MYH7B: variants seen among roughly 807,000 people sequenced by gnomAD.
MYH7B encodes the protein myosin heavy chain 7B.
In MYH7B, 205 loss-of-function variants were observed where a neutral mutation model predicts 234.5. The observed-to-expected ratio is 0.87, with a 90% CI of 0.78 to 0.98. The LOEUF is 0.98. Ranked by LOEUF, MYH7B falls within the 50% of genes least tolerant of loss-of-function variation. The pLI, the probability that MYH7B is intolerant of heterozygous loss-of-function variation, is 0.00. For missense variants in MYH7B, 2,652 were observed against 2,633.4 expected, an observed-to-expected ratio of 1.01 and a Z score of -0.15; for synonymous variants, 1,193 against 1,105.0, an observed-to-expected ratio of 1.08 and a Z score of -1.58.
chr20:35,000,802 A>G, exon 40 of MYH7B: 1 of 1,613,960 alleles, frequency 6.2e-7, no homozygotes, highest in Non-Finnish European at 8.5e-7. Context: ...AAGAAGCTGG[A>G]GGCGGACTTG....
At chr20:34,991,294 G>GGACTT (rs1312563256) in intron 24 of MYH7B, among the ~76,000 whole-genome samples, 173 bp downstream of exon 24, 2 of 152,208 alleles carry the variant, frequency 1.3e-5, no homozygotes, top group African/African-American at 4.8e-5. Flanking sequence ...ACCTGGCCGG[G>GGACTT]GACTTGGGGA....
chr20:34,968,588 C>A (rs1399836292), intron 2 of MYH7B, among the ~76,000 whole-genome samples: 1 of 152,200 alleles, frequency 6.6e-6, no homozygotes, highest in African/African-American at 2.4e-5. Context: ...CTCGGCTAAG[C>A]CTTGTCCATG....
chr20:34,994,117 A>T (rs1426932626), intron 26 of MYH7B, 29 bp from the exon 27 acceptor site: 21 of 1,605,234 alleles, frequency 1.3e-5, no homozygotes, highest in Non-Finnish European at 1.7e-5. Context: ...GCACTGAGCC[A>T]CCTTCACAGC....
intron 5 of MYH7B, 34 bp from the exon 6 acceptor site, chr20:34,979,356 C>T (rs2081904278): frequency 1.3e-6 from 2 of 1,553,256 alleles, no homozygotes; most frequent in African/African-American, 2.7e-5. Flanking sequence ...TGCCTCAGCC[C>T]CTCTCTGAGT....
chr20:34,997,393 A>AGC lies in MYH7B; in HGVS notation c.3504_3505dup (p.Glu1169AlafsTer78). On this transcript the variant is annotated frameshift_variant, in exon 32 of 45. Coordinates refer to ENST00000262873, the Ensembl canonical transcript of MYH7B. LOFTEE classifies it high-confidence loss of function. ...GAGGCAGGCGGCGCATCCGCGGGGC[A>AGC]GCGCGAGGGCTGCCGCAAGCGGGAG... The AGC allele has an allele frequency of 6.7e-7, 1 of 1,502,388 alleles. No homozygotes were observed. The highest frequency in any genetic ancestry group is 1.3e-5 in the South Asian group (1 of 78,088). The allele number at this position is 1,502,388 out of a possible 1,614,324, so 93.1% of individuals were successfully genotyped here.
intron 2 of MYH7B, among the ~76,000 whole-genome samples, chr20:34,970,913 G>A (rs2081787622): frequency 6.6e-6 from 1 of 152,190 alleles, no homozygotes; most frequent in Non-Finnish European, 1.5e-5. Flanking sequence ...CTGGGGGTGG[G>A]AGGGCAGACG....
chr20:34,986,787 C>G (rs1569042582), intron 14 of MYH7B, 99 bp from the exon 15 acceptor site: 1 of 951,714 alleles, frequency 1.1e-6, no homozygotes, highest in Admixed American at 1.8e-5. Context: ...TAGACTCCTG[C>G]TGGGCTTGCC....
chr20:35,000,972 T>A lies in MYH7B; in HGVS notation c.5305-16T>A. The A allele has an allele frequency of 6.2e-7, 1 of 1,613,482 alleles. No individual in the cohort carries two copies. Among genetic ancestry groups the A allele is most frequent in the Non-Finnish European group, 8.5e-7 (1 of 1,179,814 alleles). On this transcript the variant is annotated splice_polypyrimidine_tract_variant and intron_variant, in intron 40 of 44. Transcript: ENST00000262873. The stretch of plus-strand genomic sequence containing the variant: ...CCCTGAGGCTGGGCACCTGACCAGC[T>A]CCTCCTCCCCAACAGGCGGCCATGA...
chr20:34,990,877 G>T (rs748629454), intron 23 of MYH7B, 52 bp downstream of exon 23: 56 of 1,604,632 alleles, frequency 3.5e-5, no homozygotes, highest in Non-Finnish European at 4.5e-5. Flanking sequence ...ATGGGAAGGT[G>T]ACAGGGCAGA....
Position 34,997,320 on chromosome 20 carries a change from C to A in MYH7B, c.3427C>A (p.Arg1143Ser), listed in dbSNP as rs1054303983. 5.2e-6 allele frequency: 8 copies of A among 1,549,572 alleles called. No individual in the cohort carries two copies. The East Asian group carries it at 1.9e-4, about 37-fold the overall frequency. ...AGCCCGGGCCCGCGTGGAGAAGCAG[C>A]GTGCAGAGGCGGCGCGGGAGCTGGA... is the stretch of plus-strand genomic sequence containing the variant. Residue 1143 changes from arginine (R) to serine (S), a missense_variant, in exon 32 of 45, where the codon CGT (arginine) becomes AGT (serine). Arg to Ser is a moderately radical substitution (Grantham distance 110). Around this residue, in one of 3 missense-constraint regions of MYH7B, gnomAD observed 2,279 missense variants for 2,211.4 expected, o/e 1.03. Coordinates refer to ENST00000262873, the Ensembl canonical transcript of MYH7B.
intron 1 of MYH7B, among the ~76,000 whole-genome samples, chr20:34,956,416 T>A (rs766435695): frequency 7.2e-5 from 11 of 152,144 alleles, no homozygotes; most frequent in Non-Finnish European, 1.2e-4. Flanking sequence ...TTTAAAAATA[T>A]GCGGATTCAT....
intron 2 of MYH7B, among the ~76,000 whole-genome samples, chr20:34,959,609 C>T (rs1222233051): frequency 6.6e-6 from 1 of 151,942 alleles, no homozygotes; most frequent in Non-Finnish European, 1.5e-5. Flanking sequence ...TCCCGAGTAG[C>T]TGGGATTACA....
At chr20:34,990,413 A>G in intron 22 of MYH7B, 103 bp downstream of exon 22, 3 of 1,230,000 alleles carry the variant, frequency 2.4e-6, no homozygotes, top group Non-Finnish European at 3.6e-6. Context: ...GGCTGTTAAG[A>G]CTTGCAGTGA....
At position 34,999,190 on chromosome 20, in the gene MYH7B, C is replaced by T. The variant is rs761293876; in HGVS notation, c.4325C>T (p.Ala1442Val). The change falls in exon 36 of 45, where the codon GCG (alanine) becomes GTG (valine). Residue 1442 changes from alanine to valine, a missense_variant. Transcript: ENST00000262873. ...GATGTAACCCTGGAGCTGGAGCGGG[C>T]GACCTCAGCAGCTGCTGCGCTGGAC... 18 of 1,613,050 alleles carry T rather than the reference C, an allele frequency of 1.1e-5. No individual in the cohort carries two copies. The highest frequency in any genetic ancestry group is 5.3e-5 in the African/African-American group (4 of 74,926).
exon 29 of MYH7B, chr20:34,996,460 G>A (rs777357966): frequency 6.2e-6 from 10 of 1,613,154 alleles, no homozygotes; most frequent in Admixed American, 1.7e-5. Flanking sequence ...CCTGCAGGCC[G>A]AGGAGGACCG....
exon 41 of MYH7B, chr20:35,001,155 C>G: frequency 6.2e-7 from 1 of 1,613,596 alleles, no homozygotes; most frequent in South Asian, 1.1e-5. Context: ...AGCTGGAGGC[C>G]AAGGTGTGTG....
rs778166915 is a variant in MYH7B at position 34,997,456 on chromosome 20, C to T, written c.3563C>T (p.Ala1188Val). ...AGGCTGCGGCGGGAGCTGGAGGAGG[C>T]GGCGCTGCGGCACGAGGCCACAGTG... The change falls in exon 32 of 45, where the codon GCG becomes GTG. Residue 1188 changes from alanine to valine, a missense_variant. Physicochemically the swap from Ala to Val is moderately conservative, Grantham distance 64 (BLOSUM62 0). Coordinates refer to ENST00000262873, the Ensembl canonical transcript of MYH7B. 34 of 1,488,252 alleles carry T rather than the reference C, an allele frequency of 2.3e-5. No homozygotes were observed. The East Asian group carries it at 4.0e-4, about 17-fold the overall frequency. The allele number at this position is 1,488,252 out of a possible 1,614,324, so 92.2% of individuals were successfully genotyped here. A position where few individuals can be genotyped will look rare whatever the true frequency, so the allele number is the denominator to read the frequency against.
At chr20:34,956,900 C>T (rs2081642401) in intron 1 of MYH7B, among the ~76,000 whole-genome samples, 1 of 152,248 alleles carries the variant, frequency 6.6e-6, no homozygotes, top group African/African-American at 2.4e-5. Flanking sequence ...ACTAGAAATA[C>T]AAGAATTAGC....
intron 7 of MYH7B, 68 bp from the exon 8 acceptor site, chr20:34,980,510 C>G: frequency 7.2e-7 from 1 of 1,394,408 alleles, no homozygotes; most frequent in Non-Finnish European, 1.0e-6. Context: ...TGTACTCCAG[C>G]CTGGGAGACA....
Sources: allele counts gnomAD v4.1 joint callset (sites outside exome capture counted in the v4.1 genomes callset), GRCh38; gene constraint gnomAD v4.1.1; regional missense constraint gnomAD v4.1.1; transcripts MANE v1.5; gene names NCBI Gene and HGNC (gene_info 2026-07-23, HGNC 2026-07-21).